Variants in OGN observed in about 807,000 individuals in gnomAD.
OGN encodes the protein mimecan.
A neutral mutation model predicts 30.8 loss-of-function variants in OGN; 19 were observed. The observed-to-expected ratio is 0.62, with a 90% CI of 0.43 to 0.90. The LOEUF (loss-of-function observed/expected upper bound fraction) is 0.90. Ranked by LOEUF, OGN falls within the 40% of genes least tolerant of loss-of-function variation. The probability of loss-of-function intolerance (pLI) is 0.00; values close to 1 mark genes in which losing one functional copy is unlikely to be tolerated. For synonymous variants in OGN, 126 were observed against 128.3 expected (o/e 0.98, Z 0.12); for missense variants, 283 against 349.7 (o/e 0.81, Z 1.52).
intron 3 of OGN, among the ~76,000 whole-genome samples, chr9:92,399,032 G>A (rs1417609552): frequency 6.6e-6 from 1 of 151,222 alleles, no homozygotes; most frequent in Non-Finnish European, 1.5e-5. Flanking sequence ...CTGCACACCA[G>A]TCTGAGAGCG....
At chr9:92,396,853 C>A (rs923577134) in intron 3 of OGN, among the ~76,000 whole-genome samples, 2 of 152,048 alleles carry the variant, frequency 1.3e-5, no homozygotes, top group African/African-American at 4.8e-5. Flanking sequence ...ATATCTATTT[C>A]TTTTATATAT....
chr9:92,388,569 G>A (rs1386273232), intron 5 of OGN, among the ~76,000 whole-genome samples: 1 of 151,458 alleles, frequency 6.6e-6, no homozygotes, highest in East Asian at 1.9e-4. Context: ...GGCCAGGCAC[G>A]GTGGCTTACG....
chr9:92,386,333 C>G, intron 5 of OGN, 37 bp from the exon 6 acceptor site: 1 of 1,316,428 alleles, frequency 7.6e-7, no homozygotes, highest in Non-Finnish European at 1.1e-6. Flanking sequence ...TATTGAGGTT[C>G]TGTACATTCT....
chr9:92,396,668 G>A (rs936652090), intron 3 of OGN, among the ~76,000 whole-genome samples: 13 of 151,254 alleles, frequency 8.6e-5, no homozygotes, highest in Non-Finnish European at 1.5e-4. Flanking sequence ...GGGCTCAAGC[G>A]ATCCTCCTGC....
At position 92,383,576 on chromosome 9, in the gene OGN, C is replaced by T. The variant is rs976991649; in HGVS notation, c.*2044G>A. The stretch of plus-strand genomic sequence containing the variant: ...AATGGAGACAGCATATTTTTACTTT[C>T]TCTAATTATTTCGTCTGATATCTTC... On this transcript the variant is annotated 3_prime_UTR_variant, in exon 7 of 7. Coordinates refer to ENST00000375561, the MANE Select transcript of OGN (RefSeq NM_014057.5). Among the ~76,000 whole-genome samples, 16 of 151,500 alleles carry T rather than the reference C, an allele frequency of 1.1e-4. No individual in the cohort carries two copies. The highest frequency in any genetic ancestry group is 7.2e-4 in the Admixed American group (11 of 15,224).
At chr9:92,402,776 AT>A (rs1260263272) in intron 2 of OGN, among the ~76,000 whole-genome samples, 1 of 152,204 alleles carries the variant, frequency 6.6e-6, no homozygotes, top group African/African-American at 2.4e-5. Flanking sequence ...GTGGAATGCT[AT>A]TGATATCAAA....
chr9:92,395,777 C>G (rs760838003), intron 3 of OGN, among the ~76,000 whole-genome samples: 4 of 148,134 alleles, frequency 2.7e-5, no homozygotes, highest in Non-Finnish European at 4.5e-5. Flanking sequence ...ATGTTAGCAT[C>G]TTTTCATGTG....
intron 3 of OGN, among the ~76,000 whole-genome samples, chr9:92,393,706 T>C (rs996047121): frequency 1.6e-4 from 25 of 152,356 alleles, no homozygotes; most frequent in African/African-American, 6.0e-4. Flanking sequence ...AGTCATTTAT[T>C]ACATTTACTT....
chr9:92,391,823 C>T (rs1282241161), intron 4 of OGN, among the ~76,000 whole-genome samples: 1 of 152,070 alleles, frequency 6.6e-6, no homozygotes, highest in Non-Finnish European at 1.5e-5. Flanking sequence ...CTGAGAAAGC[C>T]CATGAAAGCA....
chr9:92,393,053 T>G, intron 4 of OGN, 33 bp downstream of exon 4: 1 of 1,579,088 alleles, frequency 6.3e-7, no homozygotes, highest in Non-Finnish European at 8.7e-7. Flanking sequence ...CTAATACGAG[T>G]TAATACTAAT....
rs149104166 is a variant in OGN at position 92,386,254 on chromosome 9, G to A, written c.673C>T (p.Leu225=). The A allele has an allele frequency of 3.1e-6, 5 of 1,613,500 alleles. No individual in the cohort carries two copies. Among genetic ancestry groups the A allele is most frequent in the Non-Finnish European group, 4.2e-6 (5 of 1,179,674 alleles). The part of the protein sequence containing the change: ...LTFLYLDHNA[L]ESVPLNLPES... ...GGTAAATTAAGAGGCACGGATTCCAGGGCATTATGGTCCAAGTAGAGGAAG... is the reference window on the plus strand; with the variant it reads ...GGTAAATTAAGAGGCACGGATTCCAAGGCATTATGGTCCAAGTAGAGGAAG... Residue 225 remains leucine (L), a synonymous_variant, in exon 6 of 7, where the codon CTG becomes TTG. Coordinates refer to ENST00000375561, the MANE Select transcript of OGN (RefSeq NM_014057.5).
intron 3 of OGN, among the ~76,000 whole-genome samples, chr9:92,400,427 G>T (rs969142290): frequency 1.3e-5 from 2 of 152,204 alleles, no homozygotes; most frequent in African/African-American, 4.8e-5. Flanking sequence ...GGGATTACAG[G>T]CGTGAGCCAC....
At chr9:92,391,630 A>C (rs975787961) in intron 4 of OGN, among the ~76,000 whole-genome samples, 1 of 152,064 alleles carries the variant, frequency 6.6e-6, no homozygotes, top group African/African-American at 2.4e-5. Context: ...AACAAAAATC[A>C]ATAAACAGCA....
chr9:92,387,048 A>G (rs947074931), intron 5 of OGN, among the ~76,000 whole-genome samples: 9 of 143,374 alleles, frequency 6.3e-5, no homozygotes, highest in Admixed American at 4.2e-4. Flanking sequence ...ACTCTGTCTC[A>G]AAAAGAAAAA....
chr9:92,389,967 A>G lies in OGN; in HGVS notation c.517T>C (p.Ser173Pro). ...FSKLSLLEELSLAENQLLKLP... is the reference protein window; with the variant it reads ...FSKLSLLEELPLAENQLLKLP... ...TTTAGTAGTTGATTTTCAGCAAGTG[A>G]AAGTTCTTCTAACAGAGAAAGTTTT... The change falls in exon 5 of 7, where the codon TCA becomes CCA. Residue 173 changes from serine to proline, a missense_variant. Ser to Pro is a moderately conservative substitution (Grantham distance 74). Coordinates refer to ENST00000375561, the MANE Select transcript of OGN (RefSeq NM_014057.5). 1 of 1,611,068 alleles carries G rather than the reference A, an allele frequency of 6.2e-7. No homozygotes were observed. The highest frequency in any genetic ancestry group is 8.5e-7 in the Non-Finnish European group (1 of 1,177,442).
intron 2 of OGN, among the ~76,000 whole-genome samples, chr9:92,401,681 A>G (rs140812367): frequency 2.6e-5 from 4 of 152,196 alleles, no homozygotes; most frequent in Non-Finnish European, 4.4e-5. Context: ...AATTACCTAT[A>G]TCCCTCCATT....
chr9:92,393,034 A>T (rs1842751600), intron 4 of OGN, 52 bp downstream of exon 4: 2 of 1,462,672 alleles, frequency 1.4e-6, no homozygotes, highest in Non-Finnish European at 1.9e-6. Flanking sequence ...TGTTTATATG[A>T]GTTAAATACT....
At chr9:92,396,552 G>A (rs1842898326) in intron 3 of OGN, among the ~76,000 whole-genome samples, 1 of 119,142 alleles carries the variant, frequency 8.4e-6, no homozygotes, top group Non-Finnish European at 1.7e-5. Context: ...TCAGTGTACA[G>A]GCCTTACATA....
chr9:92,399,147 G>A (rs891124043), intron 3 of OGN, among the ~76,000 whole-genome samples: 1 of 152,014 alleles, frequency 6.6e-6, no homozygotes, highest in Non-Finnish European at 1.5e-5. Context: ...CTGTCCAAAA[G>A]CATTGTGTTG....
Sources: allele counts gnomAD v4.1 joint callset (sites outside exome capture counted in the v4.1 genomes callset), GRCh38; gene constraint gnomAD v4.1.1; transcripts MANE v1.5; gene names NCBI Gene and HGNC (gene_info 2026-07-23, HGNC 2026-07-21).